The following NUDT9 variants were observed in gnomAD, a reference collection of about 807,000 sequenced individuals.
The protein encoded by NUDT9 is nudix hydrolase 9, also known as ADP-ribose pyrophosphatase.
In NUDT9, 31 loss-of-function variants were observed where a neutral mutation model predicts 41.0. The observed-to-expected ratio is 0.76, with a 90% CI of 0.57 to 1.02. The LOEUF (loss-of-function observed/expected upper bound fraction) is 1.02, where lower values mean the gene tolerates loss of function less well. NUDT9 is among the 50% of genes least tolerant of loss of function. The pLI, the probability that NUDT9 is intolerant of heterozygous loss-of-function variation, is 0.00. For synonymous variants in NUDT9, 146 were observed against 147.6 expected (o/e 0.99, Z 0.08); for missense variants, 380 against 431.4 (o/e 0.88, Z 1.06).
intron 6 of NUDT9, among the ~76,000 whole-genome samples, chr4:87,453,861 C>CTTTTTTTTT (rs533107265): frequency 7.3e-6 from 1 of 136,244 alleles, no homozygotes; most frequent in Non-Finnish European, 1.6e-5. Context: ...TTCTTTCTTT[C>CTTTTTTTTT]TTTTTTTTTT....
chr4:87,437,479 T>C, intron 2 of NUDT9, among the ~76,000 whole-genome samples: 1 of 151,702 alleles, frequency 6.6e-6, no homozygotes, highest in Non-Finnish European at 1.5e-5. Context: ...TAGCTGGGGC[T>C]ACAGGTGCCC....
At position 87,440,512 on chromosome 4, in the gene NUDT9, C is replaced by T. The variant is rs115039952; in HGVS notation, c.444-1317C>T. On this transcript the variant is annotated intron_variant, in intron 3 of 7. Transcript: ENST00000302174. ...AACTAATCTGTCTCTTTATGGTGGC[C>T]TTGATCACTTGTGTTCAGGGGTGTG... 5.5e-3 allele frequency among the ~76,000 whole-genome samples: 836 copies of T among 152,226 alleles called. 4 individuals are homozygous for T. The highest frequency in any genetic ancestry group is 0.019 in the African/African-American group (783 of 41,538).
intron 1 of NUDT9, among the ~76,000 whole-genome samples, chr4:87,429,664 C>G (rs1190990427): frequency 1.3e-5 from 2 of 150,490 alleles, no homozygotes; most frequent in African/African-American, 4.9e-5. Flanking sequence ...AACTCCCTTT[C>G]CTTTTCTCCT....
intron 1 of NUDT9, among the ~76,000 whole-genome samples, chr4:87,432,941 C>T (rs1721750841): frequency 6.6e-6 from 1 of 152,002 alleles, no homozygotes. Flanking sequence ...CAGTATTAAT[C>T]AAAGATAATG....
At chr4:87,453,985 G>A (rs536908293) in intron 6 of NUDT9, among the ~76,000 whole-genome samples, 2 of 150,056 alleles carry the variant, frequency 1.3e-5, no homozygotes, top group South Asian at 2.1e-4. Context: ...TTAGCCTCCC[G>A]AGTAGCCGGG....
rs753941953 is a variant in NUDT9 at position 87,434,976 on chromosome 4, C to G, written c.108-5C>G. Reference sequence around the variant, plus strand: ...ATGTAAAATGTTTTTCTTTTTCTCCCCCAGAAACTCGTTTTCATCTTCTTG... The same window carrying G: ...ATGTAAAATGTTTTTCTTTTTCTCCGCCAGAAACTCGTTTTCATCTTCTTG... On this transcript the variant is annotated splice_region_variant and splice_polypyrimidine_tract_variant and intron_variant, in intron 1 of 7. Transcript: ENST00000302174. 1.9e-6 allele frequency: 3 copies of G among 1,599,992 alleles called. No homozygotes were observed. The Admixed American group carries it at 5.2e-5, about 28-fold the overall frequency.
chr4:87,457,423 G>A (rs952106864), intron 7 of NUDT9, among the ~76,000 whole-genome samples: 15 of 152,030 alleles, frequency 9.9e-5, no homozygotes, highest in African/African-American at 3.4e-4. Flanking sequence ...TTTTAGTAGA[G>A]ATGGGGTTTC....
At position 87,435,016 on chromosome 4, in the gene NUDT9, C is replaced by T; in HGVS notation, c.143C>T (p.Thr48Ile). 1.9e-6 allele frequency: 3 copies of T among 1,613,710 alleles called. No individual in the cohort carries two copies. Among genetic ancestry groups the T allele is most frequent in the Non-Finnish European group, 2.5e-6 (3 of 1,179,722 alleles). The change falls in exon 2 of 8, where the codon ACC (threonine) becomes ATC (isoleucine). Residue 48 changes from threonine to isoleucine, a missense_variant. Thr to Ile is a moderately conservative substitution (Grantham distance 89). Coordinates refer to ENST00000302174, the MANE Select transcript of NUDT9 (RefSeq NM_024047.5). ...SFSSSWFHLN[T>I]NVMSGSNGSK... ...TCATCTTCTTGGTTTCATCTTAATA[C>T]CAACGTCATGTCTGGTTCTAATGGT...
At position 87,458,172 on chromosome 4, in the gene NUDT9, A is replaced by C; in HGVS notation, c.*151A>C. 2 of 555,760 alleles carry C rather than the reference A, an allele frequency of 3.6e-6. No individual in the cohort carries two copies. The highest frequency in any genetic ancestry group is 5.6e-6 in the Non-Finnish European group (2 of 360,046). The allele number at this position is 555,760 out of a possible 1,614,324, so 34.4% of individuals were successfully genotyped here. ...TTGCATTTAGAGTGTTTCGCATCAG[A>C]ATAACATGAGTAAGATGAACTGGAA... On this transcript the variant is annotated 3_prime_UTR_variant, in exon 8 of 8. Coordinates refer to ENST00000302174, the MANE Select transcript of NUDT9 (RefSeq NM_024047.5).
intron 3 of NUDT9, 84 bp from the exon 4 acceptor site, chr4:87,441,745 A>G (rs775257067): frequency 5.7e-6 from 6 of 1,052,648 alleles, no homozygotes; most frequent in South Asian, 1.4e-5. Context: ...CTTACTGCTT[A>G]TGTTCTCTTC....
intron 3 of NUDT9, among the ~76,000 whole-genome samples, chr4:87,439,471 T>C (rs1331470370): frequency 1.3e-5 from 2 of 151,864 alleles, no homozygotes; most frequent in African/African-American, 4.8e-5. Context: ...GCCTGGCCAA[T>C]ATGGCAGAAC....
At chr4:87,455,580 G>A (rs1047786636) in intron 7 of NUDT9, among the ~76,000 whole-genome samples, 1 of 151,014 alleles carries the variant, frequency 6.6e-6, no homozygotes, top group East Asian at 1.9e-4. Context: ...ATTTGAGTTC[G>A]GTTTTAATAT....
At chr4:87,434,455 G>T (rs1417774744) in intron 1 of NUDT9, 3 of 142,192 alleles carry the variant, frequency 2.1e-5, no homozygotes, top group Non-Finnish European at 3.0e-5. Flanking sequence ...AATAAATTCA[G>T]TGAGTGGGTT....
chr4:87,449,727 T>A (rs890586030), intron 5 of NUDT9, among the ~76,000 whole-genome samples: 2 of 152,200 alleles, frequency 1.3e-5, no homozygotes, highest in African/African-American at 4.8e-5. Flanking sequence ...ATTTAAAAAA[T>A]TAGCTTTTGT....
At chr4:87,454,704 A>G (rs989045036) in intron 7 of NUDT9, among the ~76,000 whole-genome samples, 2 of 152,236 alleles carry the variant, frequency 1.3e-5, no homozygotes, top group Non-Finnish European at 2.9e-5. Flanking sequence ...GGATGAAATT[A>G]TGGGCTAAAA....
intron 3 of NUDT9, among the ~76,000 whole-genome samples, chr4:87,439,783 A>G (rs1370307185): frequency 6.6e-6 from 1 of 152,208 alleles, no homozygotes; most frequent in Non-Finnish European, 1.5e-5. Flanking sequence ...AATTTTCGAG[A>G]ATTAAAATTT....
At chr4:87,448,396 G>C (rs898231532) in intron 4 of NUDT9, among the ~76,000 whole-genome samples, 2 of 151,964 alleles carry the variant, frequency 1.3e-5, no homozygotes, top group South Asian at 4.1e-4. Flanking sequence ...CACCCACCTT[G>C]GCCTCCCAAA....
At chr4:87,433,620 A>C (rs1011880424) in intron 1 of NUDT9, among the ~76,000 whole-genome samples, 4 of 152,218 alleles carry the variant, frequency 2.6e-5, no homozygotes, top group Non-Finnish European at 5.9e-5. Context: ...GAGCTATCAT[A>C]ATTTTACCAT....
intron 1 of NUDT9, among the ~76,000 whole-genome samples, chr4:87,430,207 A>G (rs1032257798): frequency 3.9e-5 from 6 of 152,254 alleles, no homozygotes; most frequent in Non-Finnish European, 8.8e-5. Flanking sequence ...AGGTGGAATG[A>G]GGATTCCCTC....
Sources: allele counts gnomAD v4.1 joint callset (sites outside exome capture counted in the v4.1 genomes callset), GRCh38; gene constraint gnomAD v4.1.1; transcripts MANE v1.5; gene names NCBI Gene and HGNC (gene_info 2026-07-23, HGNC 2026-07-21).